RALGAPA2: variants seen among roughly 807,000 people sequenced by gnomAD.
The protein encoded by RALGAPA2 is ral GTPase-activating protein subunit alpha-2.
A neutral mutation model predicts 230.4 loss-of-function variants in RALGAPA2; 139 were observed. The observed-to-expected ratio is 0.60, with a 90% CI of 0.53 to 0.69. The LOEUF (loss-of-function observed/expected upper bound fraction) is 0.69. Ranked by LOEUF, RALGAPA2 falls within the 30% of genes least tolerant of loss-of-function variation. The pLI, the probability that RALGAPA2 is intolerant of heterozygous loss-of-function variation, is 0.00. For missense variants in RALGAPA2, 2,163 were observed against 2,276.0 expected (o/e 0.95, Z 1.01); for synonymous variants, 847 against 837.8 (o/e 1.01, Z -0.19).
intron 1 of RALGAPA2, among the ~76,000 whole-genome samples, chr20:20,687,774 G>A (rs554160791): frequency 6.6e-6 from 1 of 152,100 alleles, no homozygotes; most frequent in Non-Finnish European, 1.5e-5. Context: ...CAGCCTCACT[G>A]GTCATAAGAG....
intron 12 of RALGAPA2, among the ~76,000 whole-genome samples, chr20:20,616,691 A>G (rs1170557240): frequency 1.3e-5 from 2 of 152,206 alleles, no homozygotes; most frequent in Non-Finnish European, 2.9e-5. Context: ...AGCACCACTC[A>G]ACAGGGGTCA....
chr20:20,710,049 A>G (rs530121571), intron 1 of RALGAPA2, among the ~76,000 whole-genome samples: 3 of 152,352 alleles, frequency 2.0e-5, no homozygotes, highest in African/African-American at 7.2e-5. Context: ...TTTACAGAGC[A>G]AAGAAACCGA....
chr20:20,646,429 T>C (rs1267976954), intron 4 of RALGAPA2, among the ~76,000 whole-genome samples: 1 of 152,220 alleles, frequency 6.6e-6, no homozygotes, highest in Non-Finnish European at 1.5e-5. Context: ...TCTATATATG[T>C]CATGCCTGTT....
intron 38 of RALGAPA2, among the ~76,000 whole-genome samples, chr20:20,408,113 T>C (rs1227143362): frequency 6.6e-6 from 1 of 152,204 alleles, no homozygotes; most frequent in Admixed American, 6.5e-5. Flanking sequence ...ATAGCAATAT[T>C]GAAGCAGAAA....
At chr20:20,492,476 C>A (rs2062085843) in intron 36 of RALGAPA2, among the ~76,000 whole-genome samples, 1 of 152,152 alleles carries the variant, frequency 6.6e-6, no homozygotes, top group Non-Finnish European at 1.5e-5. Context: ...TAAAAGTAGG[C>A]AAGGTTAAAT....
In RALGAPA2 at chr20:20,526,347, C is replaced by G; in HGVS notation, c.3598G>C (p.Val1200Leu). The G allele has an allele frequency of 6.3e-7, 1 of 1,596,008 alleles. No homozygotes were observed. Among genetic ancestry groups the G allele is most frequent in the Non-Finnish European group, 8.5e-7 (1 of 1,173,802 alleles). Reference protein sequence around the residue: ...GVTLKFPNKIVAQVACDVLQL... With the variant: ...GVTLKFPNKILAQVACDVLQL... ...AGGACATCGCAAGCTACCTGGGCCACGATTTTGTTGGGAAACTATAAAAGG... is the reference window on the plus strand; with the variant it reads ...AGGACATCGCAAGCTACCTGGGCCAGGATTTTGTTGGGAAACTATAAAAGG... The change falls in exon 28 of 40, where the codon GTG becomes CTG. Residue 1200 changes from valine (V) to leucine (L), a missense_variant. Coordinates refer to ENST00000202677, the MANE Select transcript of RALGAPA2 (RefSeq NM_020343.4).
rs1340389892 is a variant in RALGAPA2, at chr20:20,662,644, CATTT to C, written c.271-9061_271-9058del. On this transcript the variant is annotated intron_variant, in intron 3 of 39. Coordinates refer to ENST00000202677, the MANE Select transcript of RALGAPA2 (RefSeq NM_020343.4). ...GTAATTAAATATCCTCTTAATCAAA[CATTT>C]ATTTAATTCATTAAAAAATAGTCTT... is the stretch of plus-strand genomic sequence containing the variant. Among the ~76,000 whole-genome samples, 5 of 152,248 alleles carry C rather than the reference CATTT, an allele frequency of 3.3e-5. No homozygotes were observed. In the South Asian group the frequency reaches 1.0e-3, roughly 32 times the overall value.
chr20:20,572,944 G>GTTAT lies in RALGAPA2; in HGVS notation c.2828_2831dup (p.Asn944LysfsTer2). ...TGGCATGGATCTTGGGTGACTGGATGTTATTCACATCTCCGAGGATCCCCA... is the reference window on the plus strand; with the variant it reads ...TGGCATGGATCTTGGGTGACTGGATGTTATTTATTCACATCTCCGAGGATCCCCA... On this transcript the variant is annotated stop_gained and frameshift_variant, in exon 21 of 40. Coordinates refer to ENST00000202677, the MANE Select transcript of RALGAPA2 (RefSeq NM_020343.4). LOFTEE classifies it high-confidence loss of function. 6.3e-7 allele frequency: 1 copy of GTTAT among 1,583,612 alleles called. No individual in the cohort carries two copies. The highest frequency in any genetic ancestry group is 1.2e-5 in the South Asian group (1 of 86,678).
chr20:20,565,875 G>A (rs1413027866), intron 23 of RALGAPA2, among the ~76,000 whole-genome samples: 1 of 152,214 alleles, frequency 6.6e-6, no homozygotes, highest in Admixed American at 6.5e-5. Context: ...CTGAGCCAGG[G>A]TCTTACTTGC....
At chr20:20,603,064 G>A (rs1488128678) in intron 15 of RALGAPA2, among the ~76,000 whole-genome samples, 2 of 152,174 alleles carry the variant, frequency 1.3e-5, no homozygotes, top group African/African-American at 4.8e-5. Context: ...AGAGCTGTCA[G>A]AGAGGACTAG....
At chr20:20,600,166 C>T (rs1448821976) in intron 16 of RALGAPA2, among the ~76,000 whole-genome samples, 1 of 151,590 alleles carries the variant, frequency 6.6e-6, no homozygotes, top group Non-Finnish European at 1.5e-5. Flanking sequence ...CATAGTGGTG[C>T]GCACCTGTAG....
chr20:20,654,043 C>G (rs6112966), intron 3 of RALGAPA2, among the ~76,000 whole-genome samples: 31,811 of 152,016 alleles, frequency 0.21, 3,544 homozygotes, highest in East Asian at 0.42. Context: ...GTAAACAACT[C>G]AGTGAGACAA....
At chr20:20,600,319 C>T (rs2065600302) in intron 16 of RALGAPA2, among the ~76,000 whole-genome samples, 1 of 151,972 alleles carries the variant, frequency 6.6e-6, no homozygotes, top group South Asian at 2.1e-4. Context: ...AAAAAAGAAT[C>T]CAATGATAAA....
chr20:20,580,100 C>A (rs925630964), intron 20 of RALGAPA2, among the ~76,000 whole-genome samples: 1 of 152,074 alleles, frequency 6.6e-6, no homozygotes, highest in Non-Finnish European at 1.5e-5. Flanking sequence ...TATTTCTAGA[C>A]TATAAGCTTA....
chr20:20,412,628 G>C (rs986545100), intron 37 of RALGAPA2, among the ~76,000 whole-genome samples: 7 of 152,146 alleles, frequency 4.6e-5, no homozygotes, highest in Non-Finnish European at 7.3e-5. Flanking sequence ...AAGAGAGAAG[G>C]CTAGGAAGAT....
At chr20:20,478,451 T>A (rs2061698355) in intron 36 of RALGAPA2, among the ~76,000 whole-genome samples, 1 of 147,118 alleles carries the variant, frequency 6.8e-6, no homozygotes, top group Non-Finnish European at 1.5e-5. Flanking sequence ...AAACATACAA[T>A]AAAAAGGAGA....
chr20:20,463,134 T>G (rs1472190112), intron 37 of RALGAPA2, among the ~76,000 whole-genome samples: 1 of 152,186 alleles, frequency 6.6e-6, no homozygotes, highest in Admixed American at 6.5e-5. Flanking sequence ...CCTGACTTTT[T>G]TTTTTTTTGT....
In RALGAPA2 at chr20:20,393,249, G is replaced by C; in HGVS notation, c.*40C>G. ...GGTCAGCACTCAGACTGGAGGCCAG[G>C]GCCCCTGCAAAGGAAGCAGAGAACT... On this transcript the variant is annotated 3_prime_UTR_variant, in exon 40 of 40. Coordinates refer to ENST00000202677, the MANE Select transcript of RALGAPA2 (RefSeq NM_020343.4). The C allele has an allele frequency of 2.2e-6, 3 of 1,347,110 alleles. No individual in the cohort carries two copies. Among genetic ancestry groups the C allele is most frequent in the Non-Finnish European group, 3.0e-6 (3 of 1,012,598 alleles). 83.4% of individuals were successfully genotyped at this position (1,347,110 alleles called of 1,614,324 possible).
rs2060634814 is a variant in RALGAPA2 at position 20,437,231 on chromosome 20, T to G, written c.5496-25083A>C. The stretch of plus-strand genomic sequence containing the variant: ...CAACCACAAACCACTCTGAACGTCC[T>G]GAAGACCGCCTGGTCACTGAGGCAC... On this transcript the variant is annotated intron_variant, in intron 37 of 39. Transcript: ENST00000202677. This position sits in a 1 kb window ranked among gnomAD's most constrained non-coding sequence, Gnocchi z 4.1. Among the ~76,000 whole-genome samples, 1 of 152,230 alleles carries G rather than the reference T, an allele frequency of 6.6e-6. No individual in the cohort carries two copies. The highest frequency in any genetic ancestry group is 1.5e-5 in the Non-Finnish European group (1 of 68,042).
Sources: gnomAD v4.1 joint callset for allele counts (sites outside exome capture counted in the v4.1 genomes callset) on GRCh38, gnomAD v4.1.1 for gene constraint, Gnocchi (gnomAD v3.1) non-coding constraint, MANE v1.5 for transcripts, NCBI Gene and HGNC (gene_info 2026-07-23, HGNC 2026-07-21) for gene names.